Variants in CEACAM6 observed in about 807,000 individuals in gnomAD.
The protein encoded by CEACAM6 is CEA cell adhesion molecule 6, also known as cell adhesion molecule CEACAM6.
In CEACAM6, 21 loss-of-function variants were observed where a neutral mutation model predicts 32.4. The ratio of observed to expected loss-of-function variants is 0.65; its 90% confidence interval spans 0.46 to 0.93. The LOEUF (loss-of-function observed/expected upper bound fraction) is 0.93. CEACAM6 is among the 40% of genes least tolerant of loss of function. The pLI is 0.00. For missense variants in CEACAM6, 406 were observed against 432.2 expected (o/e 0.94, Z 0.54); for synonymous variants, 184 against 174.4 (o/e 1.06, Z -0.43).
Position 41,757,071 on chromosome 19 carries a change from A to G in CEACAM6, c.424+112A>G. ...CCCTCTCTGCATTACATCCTGTATC[A>G]GGGTTTGGACATTTAGTGCAGGACA... On this transcript the variant is annotated intron_variant, in intron 2 of 5. Transcript: ENST00000199764. 2.0e-6 allele frequency: 3 copies of G among 1,508,784 alleles called. No individual in the cohort carries two copies. In the Admixed American group the frequency reaches 6.6e-5, roughly 33 times the overall value. The allele number at this position is 1,508,784 out of a possible 1,614,324, so 93.5% of individuals were successfully genotyped here. A position where few individuals can be genotyped will look rare whatever the true frequency, so the allele number is the denominator to read the frequency against.
chr19:41,755,626 G>A lies in CEACAM6; in HGVS notation c.-13G>A. On this transcript the variant is annotated 5_prime_UTR_variant, in exon 1 of 6. Transcript: ENST00000199764. ...CCTCTACAAAGAGGTGGACAGAGAA[G>A]ACAGCAGAGACCATGGGACCCCCCT... is the stretch of plus-strand genomic sequence containing the variant. 6.2e-7 allele frequency: 1 copy of A among 1,612,378 alleles called. No individual in the cohort carries two copies.
rs782496489 is a variant in CEACAM6 at position 41,771,576 on chromosome 19, T to C, written c.*815T>C. The C allele has an allele frequency of 6.6e-6, 1 of 152,252 alleles. No homozygotes were observed. The highest frequency in any genetic ancestry group is 1.5e-5 in the Non-Finnish European group (1 of 68,046). 9.4% of individuals were successfully genotyped at this position (152,252 alleles called of 1,614,324 possible). Reference sequence around the variant, plus strand: ...ATTCTATTTTAGTTGGTTTGTATCTTGCCTAAGGTGCGTAGTCCAACTCTT... The same window carrying C: ...ATTCTATTTTAGTTGGTTTGTATCTCGCCTAAGGTGCGTAGTCCAACTCTT... On this transcript the variant is annotated 3_prime_UTR_variant, in exon 6 of 6. Transcript: ENST00000199764.
intron 3 of CEACAM6, 77 bp from the exon 4 acceptor site, chr19:41,761,892 C>T (rs1203103823): frequency 1.3e-6 from 2 of 1,552,482 alleles, no homozygotes; most frequent in Non-Finnish European, 1.8e-6. Flanking sequence ...CAGGGGGACA[C>T]CGTGGCCCTT....
rs781832362 is a variant in CEACAM6 at position 41,756,962 on chromosome 19, G to A, written c.424+3G>A. ...AACCGGACAGTTCCATGTATACCGT[G>A]AGTATTTCCACATGACCTCTGGGTG... On this transcript the variant is annotated splice_donor_region_variant and intron_variant, in intron 2 of 5. Transcript: ENST00000199764. 1.3e-6 allele frequency: 2 copies of A among 1,594,252 alleles called. No individual in the cohort carries two copies. The highest frequency in any genetic ancestry group is 2.3e-5 in the South Asian group (2 of 87,920).
In CEACAM6 at chr19:41,765,129, A is replaced by G. The variant is rs1302318466; in HGVS notation, c.959-1054A>G. Reference sequence around the variant, plus strand: ...TAACCTTAAAGTCAGGTAGTCCTAGAGTCAAATTCTAAATCCACTTGTCAC... The same window carrying G: ...TAACCTTAAAGTCAGGTAGTCCTAGGGTCAAATTCTAAATCCACTTGTCAC... On this transcript the variant is annotated intron_variant, in intron 4 of 5. Coordinates refer to ENST00000199764, the MANE Select transcript of CEACAM6 (RefSeq NM_002483.7). 1.5e-4 allele frequency among the ~76,000 whole-genome samples: 23 copies of G among 152,224 alleles called. 1 individual carries two copies. Among genetic ancestry groups the G allele is most frequent in the African/African-American group, 5.5e-4 (23 of 41,460 alleles).
chr19:41,766,226 G>C lies in CEACAM6; in HGVS notation c.1002G>C (p.Thr334=), dbSNP rs782457886. 3 of 1,606,682 alleles carry C rather than the reference G, an allele frequency of 1.9e-6. No individual in the cohort carries two copies. The highest frequency in any genetic ancestry group is 2.5e-6 in the Non-Finnish European group (3 of 1,177,150). ...CAGCTGTGGCCACCGTCGGCATCAC[G>C]ATTGGAGTGCTGGCCAGGGTGGCTC... The part of the protein sequence containing the change: ...VLSAVATVGI[T]IGVLARVALI Residue 334 remains threonine (T), a synonymous_variant, in exon 5 of 6, where the codon ACG becomes ACC. Transcript: ENST00000199764.
Position 41,756,956 on chromosome 19 carries a change from T to C in CEACAM6, c.421T>C (p.Tyr141His), listed in dbSNP as rs782130617. ...AGAAGCAACCGGACAGTTCCATGTA[T>C]ACCGTGAGTATTTCCACATGACCTC... ...NEEATGQFHV[Y>H]PELPKPSISS... Residue 141 changes from tyrosine (Y) to histidine (H), a missense_variant, in exon 2 of 6, where the codon TAC becomes CAC. Physicochemically the swap from Tyr to His is moderately conservative, Grantham distance 83. Coordinates refer to ENST00000199764, the MANE Select transcript of CEACAM6 (RefSeq NM_002483.7). 1.9e-6 allele frequency: 3 copies of C among 1,597,692 alleles called. No individual in the cohort carries two copies. The highest frequency in any genetic ancestry group is 3.4e-5 in the Admixed American group (2 of 58,954).
intron 4 of CEACAM6, among the ~76,000 whole-genome samples, chr19:41,765,630 A>G (rs782581065): frequency 9.8e-5 from 15 of 152,332 alleles, no homozygotes; most frequent in Non-Finnish European, 1.5e-4. Flanking sequence ...GAAGTTTTAC[A>G]TAGCAGTGCA....
chr19:41,762,358 T>C, intron 4 of CEACAM6, 135 bp downstream of exon 4: 2 of 991,784 alleles, frequency 2.0e-6, no homozygotes, highest in Non-Finnish European at 3.0e-6. Context: ...CCCTGAACCC[T>C]CCCAATTCAC....
At chr19:41,767,265 C>A (rs2072962360) in intron 5 of CEACAM6, among the ~76,000 whole-genome samples, 1 of 152,162 alleles carries the variant, frequency 6.6e-6, no homozygotes, top group Non-Finnish European at 1.5e-5. Context: ...TACTCACACC[C>A]TTCATCACAA....
chr19:41,757,063 C>T lies in CEACAM6; in HGVS notation c.424+104C>T, dbSNP rs1367921399. The T allele has an allele frequency of 5.9e-6, 9 of 1,516,726 alleles. No homozygotes were observed. The African/African-American group carries it at 7.0e-5, about 12-fold the overall frequency. The allele number at this position is 1,516,726 out of a possible 1,614,324, so 94.0% of individuals were successfully genotyped here. On this transcript the variant is annotated intron_variant, in intron 2 of 5. Coordinates refer to ENST00000199764, the MANE Select transcript of CEACAM6 (RefSeq NM_002483.7). ...GCCTGTGGCCCTCTCTGCATTACAT[C>T]CTGTATCAGGGTTTGGACATTTAGT...
At chr19:41,762,731 C>T (rs558312643) in intron 4 of CEACAM6, among the ~76,000 whole-genome samples, 1 of 152,218 alleles carries the variant, frequency 6.6e-6, no homozygotes, top group Admixed American at 6.5e-5. Context: ...GCTCCCAGCA[C>T]CCCCAGTGAC....
chr19:41,767,915 G>T (rs916666293), intron 5 of CEACAM6, among the ~76,000 whole-genome samples: 3 of 152,046 alleles, frequency 2.0e-5, no homozygotes, highest in Non-Finnish European at 2.9e-5. Context: ...AATGATAAGT[G>T]ATGCTAAACC....
chr19:41,761,421 C>A lies in CEACAM6; in HGVS notation c.597C>A (p.Thr199=). ...TGCAGCTGTCCAATGGCAACATGAC[C>A]CTCACTCTACTCAGCGTCAAAAGGA... The part of the protein sequence containing the change: ...PRLQLSNGNM[T]LTLLSVKRND... Residue 199 remains threonine, a synonymous_variant, in exon 3 of 6, where the codon ACC becomes ACA. Coordinates refer to ENST00000199764, the MANE Select transcript of CEACAM6 (RefSeq NM_002483.7). The A allele has an allele frequency of 6.2e-7, 1 of 1,614,154 alleles. No individual in the cohort carries two copies. Among genetic ancestry groups the A allele is most frequent in the Non-Finnish European group, 8.5e-7 (1 of 1,180,040 alleles).
intron 5 of CEACAM6, among the ~76,000 whole-genome samples, chr19:41,766,735 AG>A (rs1555822429): frequency 2.6e-5 from 4 of 152,138 alleles, no homozygotes; most frequent in Non-Finnish European, 5.9e-5. Flanking sequence ...GGCCAGGCAC[AG>A]TGGCTTATGC....
intron 5 of CEACAM6, among the ~76,000 whole-genome samples, chr19:41,769,701 C>T (rs895852079): frequency 6.9e-6 from 1 of 145,694 alleles, no homozygotes; most frequent in Non-Finnish European, 1.5e-5. Flanking sequence ...ATAATAATAT[C>T]GTTATTTGCA....
In CEACAM6 at chr19:41,763,929, C is replaced by T. The variant is rs555743943; in HGVS notation, c.958+1706C>T. The stretch of plus-strand genomic sequence containing the variant: ...TGTCTGTTTATTTGTTTGTTTGCTG[C>T]CTAATTTCTCCAGCTAGGACTTAAA... On this transcript the variant is annotated intron_variant, in intron 4 of 5. Coordinates refer to ENST00000199764, the MANE Select transcript of CEACAM6 (RefSeq NM_002483.7). Among the ~76,000 whole-genome samples the T allele has an allele frequency of 4.5e-4, 68 of 152,298 alleles. No individual in the cohort carries two copies. The South Asian group carries it at 0.013, about 28-fold the overall frequency.
At position 41,756,841 on chromosome 19, in the gene CEACAM6, C is replaced by T. The variant is rs782248951; in HGVS notation, c.306C>T (p.Tyr102=). 1.9e-6 allele frequency: 3 copies of T among 1,614,016 alleles called. No individual in the cohort carries two copies. Among genetic ancestry groups the T allele is most frequent in the African/African-American group, 2.7e-5 (2 of 74,870 alleles). Residue 102 remains tyrosine, a synonymous_variant, in exon 2 of 6, where the codon TAC becomes TAT. Coordinates refer to ENST00000199764, the MANE Select transcript of CEACAM6 (RefSeq NM_002483.7). ...GPAYSGRETI[Y]PNASLLIQNV... is the part of the protein sequence containing the mutation. ...CATACAGTGGTCGAGAGACAATATACCCCAATGCATCCCTGCTGATCCAGA... is the reference window on the plus strand; with the variant it reads ...CATACAGTGGTCGAGAGACAATATATCCCAATGCATCCCTGCTGATCCAGA...
At chr19:41,757,516 C>A (rs970461739) in intron 2 of CEACAM6, among the ~76,000 whole-genome samples, 2 of 152,124 alleles carry the variant, frequency 1.3e-5, no homozygotes, top group African/African-American at 4.8e-5. Flanking sequence ...GCACCCAGAG[C>A]CTCATCTAGC....
Sources: allele counts gnomAD v4.1 joint callset (sites outside exome capture counted in the v4.1 genomes callset), GRCh38; gene constraint gnomAD v4.1.1; transcripts MANE v1.5; gene names NCBI Gene and HGNC (gene_info 2026-07-23, HGNC 2026-07-21).